Variants in ERG observed in about 807,000 individuals in gnomAD.
The protein encoded by ERG is ETS transcription factor ERG.
A neutral mutation model predicts 55.3 loss-of-function variants in ERG; 9 were observed. The ratio of observed to expected loss-of-function variants is 0.16; its 90% confidence interval spans 0.10 to 0.28. ERG has a LOEUF of 0.28. ERG is among the 10% of genes least tolerant of loss of function. The pLI is 1.00. For synonymous variants in ERG, 223 were observed against 237.3 expected, an observed-to-expected ratio of 0.94 and a Z score of 0.55; for missense variants, 434 against 631.6, an observed-to-expected ratio of 0.69 and a Z score of 3.35.
chr21:38,377,913 A>G (rs2146401385), downstream of ERG, among the ~76,000 whole-genome samples: 1 of 152,352 alleles, frequency 6.6e-6, no homozygotes, highest in South Asian at 2.1e-4. Flanking sequence ...GGTCTTCCTC[A>G]TAAGTGAGAA....
chr21:38,598,240 C>T (rs1346891990), intron 1 of ERG, among the ~76,000 whole-genome samples: 2 of 152,250 alleles, frequency 1.3e-5, no homozygotes, highest in African/African-American at 4.8e-5. Context: ...CCATCTGATG[C>T]CACCTGCATC....
chr21:38,513,138 AAATAAT>A (rs1267560242), intron 2 of ERG, among the ~76,000 whole-genome samples: 1 of 151,628 alleles, frequency 6.6e-6, no homozygotes, highest in African/African-American at 2.4e-5. Context: ...TCAAAAAAAA[AAATAAT>A]AATAATAGGC....
At chr21:38,639,734 G>A (rs929279228) in intron 1 of ERG, among the ~76,000 whole-genome samples, 11 of 152,178 alleles carry the variant, frequency 7.2e-5, no homozygotes, top group African/African-American at 2.4e-4. Context: ...AACAATAAGA[G>A]CTGGTAGTCT....
chr21:38,599,131 A>G (rs916962912), intron 1 of ERG, among the ~76,000 whole-genome samples: 8 of 152,190 alleles, frequency 5.3e-5, no homozygotes, highest in Middle Eastern at 3.2e-3. Flanking sequence ...AGAAGTTTGC[A>G]GAGGCTGCCT....
chr21:38,516,826 A>G (rs143738008), intron 2 of ERG, among the ~76,000 whole-genome samples: 339 of 152,064 alleles, frequency 2.2e-3, no homozygotes, highest in African/African-American at 7.8e-3. Flanking sequence ...TTCACAGCCA[A>G]CCGACTTTCA....
intron 2 of ERG, among the ~76,000 whole-genome samples, chr21:38,517,076 C>A (rs559521863): frequency 5.9e-5 from 9 of 151,828 alleles, no homozygotes; most frequent in Non-Finnish European, 1.3e-4. Flanking sequence ...TGGCTAAGAC[C>A]TCAAAAGCAC....
At position 38,381,398 on chromosome 21, in the gene ERG, A is replaced by G; in HGVS notation, c.*2005T>C. On this transcript the variant is annotated 3_prime_UTR_variant, in exon 10 of 10. Coordinates refer to ENST00000288319, the MANE Select transcript of ERG (RefSeq NM_182918.4). The stretch of plus-strand genomic sequence containing the variant: ...TGCCCAGGGAAACTGACTCTAGATT[A>G]TGGAAATAAACATTGTCTTCAAGGG... The G allele has an allele frequency of 1.9e-6, 2 of 1,062,972 alleles. No homozygotes were observed. The highest frequency in any genetic ancestry group is 2.3e-6 in the Non-Finnish European group (2 of 877,830). The allele number at this position is 1,062,972 out of a possible 1,614,324, so 65.8% of individuals were successfully genotyped here. A position where few individuals can be genotyped will look rare whatever the true frequency, so the allele number is the denominator to read the frequency against.
At chr21:38,430,399 A>T (rs1299062738) in intron 2 of ERG, among the ~76,000 whole-genome samples, 1 of 152,142 alleles carries the variant, frequency 6.6e-6, no homozygotes, top group East Asian at 1.9e-4. Flanking sequence ...CTGTGAAGAA[A>T]GTTTTTGGTT....
intron 2 of ERG, among the ~76,000 whole-genome samples, chr21:38,529,440 A>G (rs1223393966): frequency 6.6e-6 from 1 of 152,136 alleles, no homozygotes; most frequent in Non-Finnish European, 1.5e-5. Flanking sequence ...TATGAGGGAA[A>G]GAGGATTAAA....
At chr21:38,367,710 C>T in the ERG span, 2 of 488,278 alleles carry the variant, frequency 4.1e-6, no homozygotes, top group South Asian at 3.1e-5. Flanking sequence ...CATAGGCGAC[C>T]CATATTAGAA....
intron 1 of ERG, among the ~76,000 whole-genome samples, chr21:38,447,808 G>A (rs542270117): frequency 5.9e-5 from 9 of 152,138 alleles, no homozygotes; most frequent in East Asian, 3.9e-4. Flanking sequence ...CCTGAGACTC[G>A]ACCAAGGCTC....
intron 2 of ERG, among the ~76,000 whole-genome samples, chr21:38,433,630 G>T (rs1251561188): frequency 1.3e-5 from 2 of 152,186 alleles, no homozygotes; most frequent in Non-Finnish European, 2.9e-5. Flanking sequence ...CCATTAGCTT[G>T]ACAAGCATGG....
chr21:38,560,960 T>C (rs1363451031), intron 2 of ERG, among the ~76,000 whole-genome samples: 1 of 152,232 alleles, frequency 6.6e-6, no homozygotes, highest in Non-Finnish European at 1.5e-5. Flanking sequence ...TTGATTTATG[T>C]CATGCATTAA....
At chr21:38,647,909 G>A (rs965976217) in intron 1 of ERG, among the ~76,000 whole-genome samples, 2 of 152,030 alleles carry the variant, frequency 1.3e-5, no homozygotes, top group Non-Finnish European at 2.9e-5. Flanking sequence ...ATAAAGACTC[G>A]GCACTCTGAC....
intron 1 of ERG, among the ~76,000 whole-genome samples, chr21:38,581,631 G>A (rs1236311896): frequency 6.6e-6 from 1 of 152,204 alleles, no homozygotes; most frequent in East Asian, 1.9e-4. Flanking sequence ...CCAGTGGCCA[G>A]TGATTTAATC....
intron 3 of ERG, among the ~76,000 whole-genome samples, chr21:38,415,261 G>A (rs1989226419): frequency 6.6e-6 from 1 of 152,186 alleles, no homozygotes; most frequent in South Asian, 2.1e-4. Context: ...ATGATAATGA[G>A]TACCTACATC....
At chr21:38,608,819 C>T (rs993554972) in intron 1 of ERG, among the ~76,000 whole-genome samples, 7 of 152,182 alleles carry the variant, frequency 4.6e-5, no homozygotes, top group African/African-American at 1.7e-4. Flanking sequence ...CACAGCCCAT[C>T]CCCCATGTCT....
At position 38,646,077 on chromosome 21, in the gene ERG, G is replaced by A. The variant is rs190932244; in HGVS notation, c.-150+15581C>T. Among the ~76,000 whole-genome samples the A allele has an allele frequency of 1.2e-4, 18 of 152,154 alleles. 1 individual carries two copies. The highest frequency in any genetic ancestry group is 9.8e-4 in the Admixed American group (15 of 15,276). On this transcript the variant is annotated intron_variant, in intron 1 of 10. Transcript: ENST00000398910. ...GCGGATCACTTGAGGTCAGGAGTTC[G>A]AGACCAGCCTAGCCAACAGGACGAA... is the stretch of plus-strand genomic sequence containing the variant.
chr21:38,424,809 A>G (rs1196216804), intron 2 of ERG, among the ~76,000 whole-genome samples: 2 of 152,092 alleles, frequency 1.3e-5, no homozygotes, highest in African/African-American at 2.4e-5. Flanking sequence ...GTGAGGACTG[A>G]CGCTAGGGGA....
Sources: allele counts gnomAD v4.1 joint callset (sites outside exome capture counted in the v4.1 genomes callset), GRCh38; gene constraint gnomAD v4.1.1; transcripts MANE v1.5; gene names NCBI Gene and HGNC (gene_info 2026-07-23, HGNC 2026-07-21).